Variants in ING5 observed in about 807,000 individuals in gnomAD.
ING5 encodes the protein inhibitor of growth family member 5, also known as inhibitor of growth protein 5.
A neutral mutation model predicts 37.4 loss-of-function variants in ING5; 17 were observed. The observed-to-expected ratio is 0.45, with a 90% CI of 0.31 to 0.68. ING5 has a LOEUF of 0.68. Among genes scored for constraint, ING5 ranks in the 30% least tolerant of loss-of-function variants. The pLI, the probability that ING5 is intolerant of heterozygous loss-of-function variation, is 0.05. For synonymous variants in ING5, 123 were observed against 116.6 expected (o/e 1.06, Z -0.36); for missense variants, 233 against 311.9 (o/e 0.75, Z 1.91).
At chr2:241,689,480 A>G (rs980890711) in intron 1 of ING5, among the ~76,000 whole-genome samples, 1 of 152,150 alleles carries the variant, frequency 6.6e-6, no homozygotes, top group Non-Finnish European at 1.5e-5. Flanking sequence ...GTCTGCTGTC[A>G]TGTGCCCTGT....
rs1322232534 is a variant in ING5, at chr2:241,727,340, G to GT, written c.*2313dup. On this transcript the variant is annotated 3_prime_UTR_variant, in exon 8 of 8. Transcript: ENST00000313552. The stretch of plus-strand genomic sequence containing the variant: ...TTTTGTTTTGTGTTTTTGAAACGGA[G>GT]TTTTGCTCTGTCACCCAGGCTGGAA... 6.6e-6 allele frequency: 1 copy of GT among 152,128 alleles called. No individual in the cohort carries two copies. The highest frequency in any genetic ancestry group is 1.5e-5 in the Non-Finnish European group (1 of 68,084). 9.4% of individuals were successfully genotyped at this position (152,128 alleles called of 1,614,324 possible).
intron 2 of ING5, among the ~76,000 whole-genome samples, chr2:241,692,449 C>T (rs1575113899): frequency 6.6e-6 from 1 of 151,464 alleles, no homozygotes; most frequent in Non-Finnish European, 1.5e-5. Flanking sequence ...TCTGGAACTA[C>T]AGGCACACAC....
At chr2:241,691,484 CTT>C (rs950751164) in intron 2 of ING5, among the ~76,000 whole-genome samples, 2 of 151,774 alleles carry the variant, frequency 1.3e-5, no homozygotes, top group African/African-American at 4.8e-5. Context: ...CAGGAAAGCT[CTT>C]TTGCTAGTCC....
exon 1 of ING5, chr2:241,687,474 G>A (rs902036693): frequency 2.1e-4 from 84 of 398,152 alleles, no homozygotes; most frequent in African/African-American, 1.6e-3. Context: ...AATGTTCACT[G>A]TTGTCCCTGA....
chr2:241,698,428 AAG>A (rs1423748028), upstream of ING5, among the ~76,000 whole-genome samples: 14 of 152,238 alleles, frequency 9.2e-5, no homozygotes, highest in South Asian at 1.0e-3. Flanking sequence ...AAAAAAAAAA[AAG>A]TATCAATATT....
rs918356736 is a variant in ING5 at position 241,728,055 on chromosome 2, G to A, written c.*3024G>A. On this transcript the variant is annotated 3_prime_UTR_variant, in exon 8 of 8. Transcript: ENST00000313552. The stretch of plus-strand genomic sequence containing the variant: ...AAATAATATGCATAGAGTTTTGGAA[G>A]AAACATAGAAAACATGAGCAGAATG... 1.1e-4 allele frequency: 17 copies of A among 152,254 alleles called. No individual in the cohort carries two copies. The highest frequency in any genetic ancestry group is 9.2e-4 in the Admixed American group (14 of 15,284). 9.4% of individuals were successfully genotyped at this position (152,254 alleles called of 1,614,324 possible). A position where few individuals can be genotyped will look rare whatever the true frequency, so the allele number is the denominator to read the frequency against.
chr2:241,704,866 A>G (rs1023533261), intron 2 of ING5, 142 bp downstream of exon 2: 5 of 668,254 alleles, frequency 7.5e-6, no homozygotes, highest in African/African-American at 7.2e-5. Context: ...GGTATCACTC[A>G]GTGTCTTGCA....
chr2:241,711,473 G>T lies in ING5; in HGVS notation c.373G>T (p.Gly125Trp). Reference protein sequence around the residue: ...MEGSDFESSGGRGLKKGRGQK... With the variant: ...MEGSDFESSGWRGLKKGRGQK... ...GGGCAGTGATTTTGAAAGCTCCGGA[G>T]GGCGAGGGTTAAAAAGCAAGTCTGT... The change falls in exon 4 of 8, where the codon GGG (glycine) becomes TGG (tryptophan). Residue 125 changes from glycine (G) to tryptophan (W), a missense_variant. Gly to Trp is a radical substitution (Grantham distance 184). This residue lies in a region of ING5 where 76 missense variants were observed against 68.2 expected (regional missense o/e 1.11). Transcript: ENST00000313552. 6.2e-7 allele frequency: 1 copy of T among 1,601,164 alleles called. No homozygotes were observed. The highest frequency in any genetic ancestry group is 8.5e-7 in the Non-Finnish European group (1 of 1,175,414).
chr2:241,724,887 C>T, intron 7 of ING5, 102 bp from the exon 8 acceptor site: 5 of 1,242,868 alleles, frequency 4.0e-6, no homozygotes, highest in African/African-American at 1.5e-5. Flanking sequence ...GCCCTCCTGC[C>T]GGCGTCCAGC....
Position 241,725,680 on chromosome 2 carries a change from C to G in ING5, c.*649C>G, listed in dbSNP as rs531241050. On this transcript the variant is annotated 3_prime_UTR_variant, in exon 8 of 8. Transcript: ENST00000313552. ...GGGGACTCACCTCCGGAGTAAACGG[C>G]TCTTCATTAGCTTGGAGTGGCCGCA... The G allele has an allele frequency of 2.0e-5, 3 of 152,782 alleles. No homozygotes were observed. The highest frequency in any genetic ancestry group is 7.2e-5 in the African/African-American group (3 of 41,600). The allele number at this position is 152,782 out of a possible 1,614,324, so 9.5% of individuals were successfully genotyped here. A position where few individuals can be genotyped will look rare whatever the true frequency, so the allele number is the denominator to read the frequency against.
intron 5 of ING5, chr2:241,721,579 C>G (rs1246841517): frequency 7.1e-6 from 7 of 985,352 alleles, no homozygotes; most frequent in Non-Finnish European, 8.4e-6. Flanking sequence ...CTCTGGGACC[C>G]AGACTTCTGC....
exon 1 of ING5, chr2:241,687,607 AAC>A (rs1244010650): frequency 3.0e-6 from 1 of 336,022 alleles, no homozygotes; most frequent in Non-Finnish European, 5.4e-6. Flanking sequence ...TGCTCACTGC[AAC>A]CTCCGCCTCC....
At chr2:241,717,047 C>G (rs111666232) in intron 5 of ING5, among the ~76,000 whole-genome samples, 5,856 of 151,952 alleles carry the variant, frequency 0.039, 445 homozygotes, top group East Asian at 0.29. Context: ...ATATAGTTAC[C>G]TCATATAGTT....
intron 5 of ING5, among the ~76,000 whole-genome samples, chr2:241,713,651 G>A (rs562996390): frequency 1.1e-4 from 17 of 151,264 alleles, no homozygotes; most frequent in East Asian, 2.0e-4. Context: ...GATTACAGGC[G>A]TGAGCCACTG....
intron 5 of ING5, among the ~76,000 whole-genome samples, chr2:241,716,342 A>G (rs2070268811): frequency 7.5e-6 from 1 of 133,580 alleles, no homozygotes; most frequent in Non-Finnish European, 1.5e-5. Context: ...CTGGAGTACA[A>G]TTTGCAATGG....
upstream of ING5, among the ~76,000 whole-genome samples, chr2:241,698,720 C>T (rs150785943): frequency 9.8e-4 from 149 of 152,118 alleles, 1 homozygote; most frequent in African/African-American, 3.3e-3. Flanking sequence ...CTAAAAGTTC[C>T]TGTATTGTTT....
At position 241,729,118 on chromosome 2, in the gene ING5, T is replaced by A. The variant is rs1187856215; in HGVS notation, c.*4087T>A. The A allele has an allele frequency of 2.0e-5, 3 of 152,542 alleles. No individual in the cohort carries two copies. The highest frequency in any genetic ancestry group is 4.4e-5 in the Non-Finnish European group (3 of 68,042). The allele number at this position is 152,542 out of a possible 1,614,324, so 9.4% of individuals were successfully genotyped here. A position where few individuals can be genotyped will look rare whatever the true frequency, so the allele number is the denominator to read the frequency against. Reference sequence around the variant, plus strand: ...TATGGGCATTGAAGACTTAAGGTTTTCTTAAATTTTTAGTGAGCAGTGATT... The same window carrying A: ...TATGGGCATTGAAGACTTAAGGTTTACTTAAATTTTTAGTGAGCAGTGATT... On this transcript the variant is annotated 3_prime_UTR_variant, in exon 8 of 8. Coordinates refer to ENST00000313552, the MANE Select transcript of ING5 (RefSeq NM_032329.6).
chr2:241,704,205 A>G (rs989879154), intron 1 of ING5, among the ~76,000 whole-genome samples: 1 of 152,216 alleles, frequency 6.6e-6, no homozygotes, highest in Non-Finnish European at 1.5e-5. Flanking sequence ...TCTAAAAATG[A>G]GATCACAGTC....
chr2:241,722,179 C>A, intron 5 of ING5: 3 of 985,356 alleles, frequency 3.0e-6, no homozygotes, highest in Non-Finnish European at 3.6e-6. Context: ...GTTGACTGTG[C>A]GGGCTGCTCT....
Sources: allele counts gnomAD v4.1 joint callset (sites outside exome capture counted in the v4.1 genomes callset), GRCh38; gene constraint gnomAD v4.1.1; regional missense constraint gnomAD v4.1.1; transcripts MANE v1.5; gene names NCBI Gene and HGNC (gene_info 2026-07-23, HGNC 2026-07-21).